Variants in MAP2K5 observed in about 807,000 individuals in gnomAD.
MAP2K5 encodes mitogen-activated protein kinase kinase 5, also known as dual specificity mitogen-activated protein kinase kinase 5.
A neutral mutation model predicts 83.1 loss-of-function variants in MAP2K5; 49 were observed. The observed-to-expected ratio is 0.59, with a 90% confidence interval of 0.47 to 0.75. The LOEUF is 0.75. MAP2K5 is among the 30% of genes least tolerant of loss of function. The probability of loss-of-function intolerance (pLI) is 0.00; values close to 1 mark genes in which losing one functional copy is unlikely to be tolerated. For missense variants in MAP2K5, 457 were observed against 557.5 expected, an observed-to-expected ratio of 0.82 and a Z score of 1.82; for synonymous variants, 202 against 191.8, an observed-to-expected ratio of 1.05 and a Z score of -0.44.
At chr15:67,622,713 A>T (rs1472370796) in intron 8 of MAP2K5, among the ~76,000 whole-genome samples, 3 of 152,194 alleles carry the variant, frequency 2.0e-5, no homozygotes, top group African/African-American at 7.2e-5. Flanking sequence ...AGACACATAA[A>T]TACTTTTCTG....
intron 13 of MAP2K5, among the ~76,000 whole-genome samples, chr15:67,672,472 T>A (rs2087566796): frequency 6.6e-6 from 1 of 151,374 alleles, no homozygotes; most frequent in South Asian, 2.1e-4. Flanking sequence ...TTGAGAAGTG[T>A]CTGTTCATGT....
At position 67,610,314 on chromosome 15, in the gene MAP2K5, C is replaced by G. The variant is rs4776368; in HGVS notation, c.545+9565C>G. ...CAACATAACTTGTTATTTGGTCTAC[C>G]CTTTGGGTGTCCTTATTTACCAAAA... On this transcript the variant is annotated intron_variant, in intron 8 of 21. Transcript: ENST00000178640. 7.9e-3 allele frequency among the ~76,000 whole-genome samples: 1,209 copies of G among 152,178 alleles called. 40 individuals carry two copies. The highest frequency in any genetic ancestry group is 0.062 in the Admixed American group (949 of 15,282).
intron 7 of MAP2K5, among the ~76,000 whole-genome samples, chr15:67,599,083 T>C (rs2085593653): frequency 6.6e-6 from 1 of 152,216 alleles, no homozygotes. Context: ...TCTCGTCACT[T>C]TATGTGCTAC....
At chr15:67,621,362 AAATC>A (rs899509390) in intron 8 of MAP2K5, among the ~76,000 whole-genome samples, 1 of 151,972 alleles carries the variant, frequency 6.6e-6, no homozygotes, top group Non-Finnish European at 1.5e-5. Flanking sequence ...TAACTCAAGA[AAATC>A]AAGAAGGTGG....
At chr15:67,580,728 G>A (rs763229251) in intron 3 of MAP2K5, 26 bp from the exon 4 acceptor site, 2 of 1,413,100 alleles carry the variant, frequency 1.4e-6, no homozygotes, top group South Asian at 1.2e-5. Flanking sequence ...ATTACTGAGT[G>A]ATCTCTTTCT....
At chr15:67,751,151 C>A (rs910255518) in intron 19 of MAP2K5, among the ~76,000 whole-genome samples, 54 of 152,072 alleles carry the variant, frequency 3.6e-4, no homozygotes, top group Admixed American at 2.8e-3. Context: ...AATCATGGAA[C>A]AAAGCCAGAG....
intron 17 of MAP2K5, among the ~76,000 whole-genome samples, chr15:67,731,951 G>T (rs1239568928): frequency 6.6e-6 from 1 of 152,134 alleles, no homozygotes; most frequent in Non-Finnish European, 1.5e-5. Context: ...CCATTCCCCA[G>T]ATCCCACTTG....
rs557946539 is a variant in MAP2K5, at chr15:67,579,270, G to A, written c.253-1484G>A. Among the ~76,000 whole-genome samples the A allele has an allele frequency of 1.3e-4, 20 of 152,282 alleles. 1 individual carries two copies. Among genetic ancestry groups the A allele is most frequent in the African/African-American group, 3.6e-4 (15 of 41,552 alleles). On this transcript the variant is annotated intron_variant, in intron 3 of 21. Transcript: ENST00000178640. Reference sequence around the variant, plus strand: ...TGGAAACCTCAAATACTTGTGTGCCGAGGACAAGTCATTTTCGGACAATTT... The same window carrying A: ...TGGAAACCTCAAATACTTGTGTGCCAAGGACAAGTCATTTTCGGACAATTT...
intron 15 of MAP2K5, among the ~76,000 whole-genome samples, chr15:67,701,023 ACCTCCTTTTTGAT>A (rs2141212806): frequency 6.6e-6 from 1 of 151,806 alleles, no homozygotes; most frequent in African/African-American, 2.4e-5. Flanking sequence ...AGTGTGTTTA[ACCTCCTTTTTGAT>A]CCTGCCCAAA....
chr15:67,627,734 G>T (rs2086360445), intron 8 of MAP2K5: 1 of 264,302 alleles, frequency 3.8e-6, no homozygotes, highest in Admixed American at 5.0e-5. Context: ...TAAAACAAGT[G>T]AATGTTATCA....
In MAP2K5 at chr15:67,638,209, C is replaced by A. The variant is rs141595381; in HGVS notation, c.585+7282C>A. ...GTACCTATTAGTTATTTTTCCTGAT[C>A]ATCTCCCCACTTCACCCTCCACCTT... On this transcript the variant is annotated intron_variant, in intron 9 of 21. Coordinates refer to ENST00000178640, the MANE Select transcript of MAP2K5 (RefSeq NM_145160.3). This position sits in a 1 kb window ranked among gnomAD's most constrained non-coding sequence, Gnocchi z 4.5. 1.9e-3 allele frequency among the ~76,000 whole-genome samples: 288 copies of A among 152,208 alleles called. 1 individual carries two copies. The highest frequency in any genetic ancestry group is 6.0e-3 in the African/African-American group (250 of 41,524).
intron 13 of MAP2K5, among the ~76,000 whole-genome samples, chr15:67,666,778 A>G (rs2087391382): frequency 6.6e-6 from 1 of 152,144 alleles, no homozygotes; most frequent in South Asian, 2.1e-4. Flanking sequence ...TGAGAAGAAG[A>G]TATCTGTTGG....
rs576665467 is a variant in MAP2K5, at chr15:67,769,795, A to T, written c.1196+132A>T. The T allele has an allele frequency of 5.3e-6, 4 of 755,704 alleles. No homozygotes were observed. The African/African-American group carries it at 7.0e-5, about 13-fold the overall frequency. The allele number at this position is 755,704 out of a possible 1,614,324, so 46.8% of individuals were successfully genotyped here. On this transcript the variant is annotated intron_variant, in intron 20 of 21. Coordinates refer to ENST00000178640, the MANE Select transcript of MAP2K5 (RefSeq NM_145160.3). The surrounding 1 kb of genome is among the most constrained non-coding windows in gnomAD (Gnocchi z 5.2). ...GGAGGGACTTCGGGGCCTTGGGCAG[A>T]TGGGGCAGCAAAGCTGAAGAAATTG...
rs2141314744 is a variant in MAP2K5, at chr15:67,778,846, C to T, written c.1242+6094C>T. ...ATGAAGAAAGGTGCATTTCCATAGC[C>T]CCCTTAGAGAGTGCTCATCCACCCT... On this transcript the variant is annotated intron_variant, in intron 21 of 21. Transcript: ENST00000178640. This position sits in a 1 kb window ranked among gnomAD's most constrained non-coding sequence, Gnocchi z 5.0. Among the ~76,000 whole-genome samples, 1 of 152,192 alleles carries T rather than the reference C, an allele frequency of 6.6e-6. No homozygotes were observed. Among genetic ancestry groups the T allele is most frequent in the Admixed American group, 6.5e-5 (1 of 15,290 alleles).
In MAP2K5 at chr15:67,676,665, G is replaced by A. The variant is rs1016703344; in HGVS notation, c.847+12020G>A. Reference sequence around the variant, plus strand: ...TATTGAGTACCTTGTATGTGCTACAGTGTTAGCTCTCTTGTATGTATAATT... The same window carrying A: ...TATTGAGTACCTTGTATGTGCTACAATGTTAGCTCTCTTGTATGTATAATT... On this transcript the variant is annotated intron_variant, in intron 13 of 21. Coordinates refer to ENST00000178640, the MANE Select transcript of MAP2K5 (RefSeq NM_145160.3). This position sits in a 1 kb window ranked among gnomAD's most constrained non-coding sequence, Gnocchi z 4.8. Among the ~76,000 whole-genome samples the A allele has an allele frequency of 6.6e-6, 1 of 152,224 alleles. No individual in the cohort carries two copies. Among genetic ancestry groups the A allele is most frequent in the African/African-American group, 2.4e-5 (1 of 41,462 alleles).
rs930333272 is a variant in MAP2K5 at position 67,665,864 on chromosome 15, G to T, written c.847+1219G>T. ...CAAATTTGGTGGATGAAAAAAAATT[G>T]AACATTTTTGACTACCAAGAGTAAG... On this transcript the variant is annotated intron_variant, in intron 13 of 21. Transcript: ENST00000178640. The surrounding 1 kb of genome is among the most constrained non-coding windows in gnomAD (Gnocchi z 4.2). Among the ~76,000 whole-genome samples the T allele has an allele frequency of 5.9e-5, 9 of 152,030 alleles. No homozygotes were observed. The highest frequency in any genetic ancestry group is 4.4e-5 in the Non-Finnish European group (3 of 67,982).
At chr15:67,804,792 C>T (rs2090770018) in intron 21 of MAP2K5, among the ~76,000 whole-genome samples, 1 of 152,198 alleles carries the variant, frequency 6.6e-6, no homozygotes, top group East Asian at 1.9e-4. Flanking sequence ...GGTCGCCCCT[C>T]CTGAGCCTCC....
At chr15:67,642,278 A>G (rs537113865) in intron 9 of MAP2K5, 12 of 509,904 alleles carry the variant, frequency 2.4e-5, no homozygotes, top group African/African-American at 2.1e-4. Context: ...GACTTGAGTT[A>G]AATCCTACAT....
intron 7 of MAP2K5, among the ~76,000 whole-genome samples, chr15:67,597,467 T>C (rs1046203342): frequency 3.9e-5 from 6 of 152,214 alleles, no homozygotes; most frequent in African/African-American, 1.4e-4. Flanking sequence ...TGACTAGCTA[T>C]GTAACTTAAG....
Sources: gnomAD v4.1 joint callset for allele counts (sites outside exome capture counted in the v4.1 genomes callset) on GRCh38, gnomAD v4.1.1 for gene constraint, Gnocchi (gnomAD v3.1) non-coding constraint, MANE v1.5 for transcripts, NCBI Gene and HGNC (gene_info 2026-07-23, HGNC 2026-07-21) for gene names.